OPCML: variants seen among roughly 807,000 people sequenced by gnomAD.
OPCML encodes the protein opioid-binding protein/cell adhesion molecule.
A neutral mutation model predicts 37.8 loss-of-function variants in OPCML; 13 were observed. The ratio of observed to expected loss-of-function variants is 0.34; its 90% confidence interval spans 0.22 to 0.55. OPCML has a LOEUF of 0.55. OPCML is among the 20% of genes least tolerant of loss of function. OPCML has a pLI of 0.91. For missense variants in OPCML, 341 were observed against 435.6 expected (o/e 0.78, Z 1.93); for synonymous variants, 176 against 168.8 (o/e 1.04, Z -0.33).
chr11:132,777,389 C>T (rs940977638), intron 2 of OPCML, among the ~76,000 whole-genome samples: 1 of 152,046 alleles, frequency 6.6e-6, no homozygotes, highest in Non-Finnish European at 1.5e-5. Context: ...AACAATGAAA[C>T]CTTGAACTGT....
At chr11:132,838,794 G>A (rs144701534) in intron 2 of OPCML, among the ~76,000 whole-genome samples, 1 of 152,090 alleles carries the variant, frequency 6.6e-6, no homozygotes, top group Admixed American at 6.5e-5. Context: ...TTCATGGCAC[G>A]GCCGCCGCCC....
chr11:132,573,553 A>C (rs991969485), intron 3 of OPCML, among the ~76,000 whole-genome samples: 1 of 151,986 alleles, frequency 6.6e-6, no homozygotes, highest in African/African-American at 2.4e-5. Context: ...TTTGTGTATC[A>C]CATTAATTTA....
At chr11:132,977,402 T>C (rs950475259) in intron 1 of OPCML, among the ~76,000 whole-genome samples, 6 of 152,092 alleles carry the variant, frequency 3.9e-5, no homozygotes, top group African/African-American at 7.2e-5. Flanking sequence ...TATCCCAAAA[T>C]ACCCAGAATC....
Position 132,479,209 on chromosome 11 carries a change from C to T in OPCML, c.506-41850G>A, listed in dbSNP as rs1052581599. Among the ~76,000 whole-genome samples, 3 of 152,294 alleles carry T rather than the reference C, an allele frequency of 2.0e-5. No homozygotes were observed. The East Asian group carries it at 5.8e-4, about 29-fold the overall frequency. On this transcript the variant is annotated intron_variant, in intron 4 of 7. Coordinates refer to ENST00000524381, the MANE Select transcript of OPCML (RefSeq NM_001012393.5). ...AAAAAGGGCGAGGCATTGCCTCACTCAGGAAGTGCAAGGGGTCAGGGAGTT... is the reference window on the plus strand; with the variant it reads ...AAAAAGGGCGAGGCATTGCCTCACTTAGGAAGTGCAAGGGGTCAGGGAGTT...
At chr11:133,360,067 A>T (rs1406764519) in intron 1 of OPCML, 3 of 152,246 alleles carry the variant, frequency 2.0e-5, no homozygotes, top group African/African-American at 7.2e-5. Context: ...TGAGAACTAA[A>T]GTTTATTGAA....
At position 133,299,676 on chromosome 11, in the gene OPCML, A is replaced by T. The variant is rs534545190; in HGVS notation, c.61+232588T>A. On this transcript the variant is annotated intron_variant, in intron 1 of 7. Transcript: ENST00000524381. Reference sequence around the variant, plus strand: ...ACCATCTCTGAATATCTCCAGACAGAACATACTGTACCTAGCTTTTTATTA... The same window carrying T: ...ACCATCTCTGAATATCTCCAGACAGTACATACTGTACCTAGCTTTTTATTA... 1.1e-4 allele frequency: 17 copies of T among 152,304 alleles called. No individual in the cohort carries two copies. The East Asian group carries it at 3.3e-3, about 29-fold the overall frequency. The allele number at this position is 152,304 out of a possible 1,614,324, so 9.4% of individuals were successfully genotyped here.
chr11:133,288,675 C>T (rs540305314), intron 1 of OPCML, among the ~76,000 whole-genome samples: 92 of 152,152 alleles, frequency 6.0e-4, no homozygotes, highest in Non-Finnish European at 1.2e-3. Flanking sequence ...AATCAGAATC[C>T]CTTGGGGGTG....
intron 1 of OPCML, among the ~76,000 whole-genome samples, chr11:133,423,687 G>T (rs1945941148): frequency 6.6e-6 from 1 of 152,292 alleles, no homozygotes; most frequent in Non-Finnish European, 1.5e-5. Flanking sequence ...GATACAATTT[G>T]GATGTTTGTC....
chr11:133,011,434 A>G (rs1398069326), intron 1 of OPCML, among the ~76,000 whole-genome samples: 1 of 150,842 alleles, frequency 6.6e-6, no homozygotes, highest in Non-Finnish European at 1.5e-5. Context: ...AGATTCATGT[A>G]TTGCATAGAT....
At chr11:132,766,090 C>T (rs546244035) in intron 2 of OPCML, among the ~76,000 whole-genome samples, 15 of 110,028 alleles carry the variant, frequency 1.4e-4, no homozygotes, top group South Asian at 9.1e-4. Flanking sequence ...TGGTCCCATG[C>T]TTATAATTTA....
At chr11:133,225,512 C>T (rs917940983) in intron 1 of OPCML, among the ~76,000 whole-genome samples, 6 of 152,166 alleles carry the variant, frequency 3.9e-5, no homozygotes, top group South Asian at 2.1e-4. Context: ...TTAATTAACA[C>T]GGGAAAGTGC....
chr11:133,082,322 A>G (rs7123173), intron 1 of OPCML, among the ~76,000 whole-genome samples: 108,265 of 149,974 alleles, frequency 0.72, 39,564 homozygotes, highest in African/African-American at 0.85. Flanking sequence ...GGCTGGGGCA[A>G]AGGGAAGGCC....
rs189086242 is a variant in OPCML, at chr11:132,702,357, C to T, written c.147-45038G>A. On this transcript the variant is annotated intron_variant, in intron 2 of 7. Transcript: ENST00000524381. ...CTTGTTTAACGCTTCTTTCCCCCAG[C>T]ACTTTGACTATATCACCCCATTCTT... Among the ~76,000 whole-genome samples, 6 of 152,282 alleles carry T rather than the reference C, an allele frequency of 3.9e-5. No individual in the cohort carries two copies. In the East Asian group the frequency reaches 7.7e-4, roughly 20 times the overall value.
intron 2 of OPCML, among the ~76,000 whole-genome samples, chr11:132,719,078 C>T (rs1236146864): frequency 6.6e-6 from 1 of 152,162 alleles, no homozygotes; most frequent in East Asian, 1.9e-4. Context: ...GGAAGGGAGC[C>T]CTGCAAGGAG....
At chr11:132,767,523 T>C (rs912183764) in intron 2 of OPCML, among the ~76,000 whole-genome samples, 4 of 152,226 alleles carry the variant, frequency 2.6e-5, no homozygotes, top group Non-Finnish European at 4.4e-5. Context: ...TTCTCCACTC[T>C]CTGGCAGTCA....
At chr11:133,435,890 G>A (rs982056713) in intron 1 of OPCML, among the ~76,000 whole-genome samples, 1 of 152,192 alleles carries the variant, frequency 6.6e-6, no homozygotes, top group African/African-American at 2.4e-5. Flanking sequence ...TCTGGCAAAG[G>A]TGTAAGAGGG....
chr11:132,445,592 A>G (rs1341545503), intron 4 of OPCML, among the ~76,000 whole-genome samples: 1 of 152,190 alleles, frequency 6.6e-6, no homozygotes, highest in Non-Finnish European at 1.5e-5. Flanking sequence ...CATGAGACTT[A>G]CCCAAGGAGC....
intron 4 of OPCML, among the ~76,000 whole-genome samples, chr11:132,449,067 G>T (rs2096062367): frequency 6.6e-6 from 1 of 152,214 alleles, no homozygotes; most frequent in South Asian, 2.1e-4. Flanking sequence ...GTCCCACAAA[G>T]GAGCATAAGG....
rs538938306 is a variant in OPCML at position 132,701,362 on chromosome 11, T to A, written c.147-44043A>T. On this transcript the variant is annotated intron_variant, in intron 2 of 7. Transcript: ENST00000524381. ...GGACTTATTGCAATTCAAGGTGAGA[T>A]TTCAGTGTAGAGGCACAGCCAAACC... 7.2e-5 allele frequency among the ~76,000 whole-genome samples: 11 copies of A among 152,308 alleles called. No homozygotes were observed. The East Asian group carries it at 2.1e-3, about 29-fold the overall frequency.
Sources: gnomAD v4.1 joint callset for allele counts (sites outside exome capture counted in the v4.1 genomes callset) on GRCh38, gnomAD v4.1.1 for gene constraint, MANE v1.5 for transcripts, NCBI Gene and HGNC (gene_info 2026-07-23, HGNC 2026-07-21) for gene names.